Variants in MDN1 observed in about 807,000 individuals in gnomAD.
MDN1 encodes midasin.
In MDN1, 266 loss-of-function variants were observed where a neutral mutation model predicts 669.2. The ratio of observed to expected loss-of-function variants is 0.40; its 90% CI spans 0.36 to 0.44. The LOEUF (loss-of-function observed/expected upper bound fraction) is 0.44. Among genes scored for constraint, MDN1 ranks in the 20% least tolerant of loss-of-function variants. The pLI is 1.00. For synonymous variants in MDN1, 2,385 were observed against 2,457.1 expected, an observed-to-expected ratio of 0.97 and a Z score of 0.87; for missense variants, 5,940 against 6,754.0, an observed-to-expected ratio of 0.88 and a Z score of 4.22.
At position 89,719,238 on chromosome 6, in the gene MDN1, G is replaced by C; in HGVS notation, c.5968-13C>G. The stretch of plus-strand genomic sequence containing the variant: ...ATACAGCAATGACCTAAAGGAAGAA[G>C]ATAATGCAATGAAAACACAAATCAC... On this transcript the variant is annotated splice_polypyrimidine_tract_variant and intron_variant, in intron 40 of 101. Transcript: ENST00000369393. The C allele has an allele frequency of 1.2e-6, 2 of 1,604,938 alleles. No individual in the cohort carries two copies. The highest frequency in any genetic ancestry group is 1.7e-6 in the Non-Finnish European group (2 of 1,171,916).
chr6:89,675,565 G>A lies in MDN1; in HGVS notation c.12660C>T (p.Gly4220=). The change falls in exon 78 of 102, where the codon GGC becomes GGT. Residue 4220 remains glycine (G), a synonymous_variant. Coordinates refer to ENST00000369393, the MANE Select transcript of MDN1 (RefSeq NM_014611.3). ...LATPAKEMGM[G]NVERCRGFSA... ...AGAACCCTCTGCACCTCTCCACGTT[G>A]CCCATGCCCATTTCCTGGCAGAAGA... The A allele has an allele frequency of 6.2e-7, 1 of 1,613,606 alleles. No homozygotes were observed. Among genetic ancestry groups the A allele is most frequent in the Non-Finnish European group, 8.5e-7 (1 of 1,179,856 alleles).
At chr6:89,694,658 T>G (rs1812610471) in intron 61 of MDN1, among the ~76,000 whole-genome samples, 1 of 151,924 alleles carries the variant, frequency 6.6e-6, no homozygotes, top group South Asian at 2.1e-4. Flanking sequence ...ATCCTCCTGC[T>G]TCAGCCTCGT....
chr6:89,670,951 G>A lies in MDN1; in HGVS notation c.13924C>T (p.Leu4642Phe), dbSNP rs531823381. ...HRSTAKLLSV[L>F]AQVFTELAQK... Reference sequence around the variant, plus strand: ...GCAAGCTCTGTAAAGACCTGGGCAAGCACAGAGAGCAGCTTTGCAGTACTA... The same window carrying A: ...GCAAGCTCTGTAAAGACCTGGGCAAACACAGAGAGCAGCTTTGCAGTACTA... Residue 4642 changes from leucine (L) to phenylalanine (F), a missense_variant, in exon 83 of 102, where the codon CTT becomes TTT. This residue lies in a region of MDN1 where 2,280 missense variants were observed against 2,576.3 expected (regional missense o/e 0.88). Transcript: ENST00000369393. The A allele has an allele frequency of 1.7e-5, 28 of 1,614,192 alleles. No individual in the cohort carries two copies. In the East Asian group the frequency reaches 5.8e-4, roughly 33 times the overall value.
At chr6:89,788,722 C>G (rs1363520470) in intron 7 of MDN1, among the ~76,000 whole-genome samples, 1 of 151,974 alleles carries the variant, frequency 6.6e-6, no homozygotes, top group Non-Finnish European at 1.5e-5. Flanking sequence ...TGGAAAGGAG[C>G]TAGACTAGAG....
intron 53 of MDN1, among the ~76,000 whole-genome samples, chr6:89,703,258 A>G (rs1025279756): frequency 2.6e-5 from 4 of 151,826 alleles, no homozygotes; most frequent in Admixed American, 2.6e-4. Context: ...TACTTTATAT[A>G]AACATCTAAT....
intron 93 of MDN1, 130 bp from the exon 94 acceptor site, chr6:89,653,285 G>A: frequency 2.2e-6 from 2 of 901,560 alleles, no homozygotes; most frequent in South Asian, 3.8e-5. Flanking sequence ...ATTTCCACAT[G>A]TTGATTTCAG....
chr6:89,726,492 AAAAAG>A (rs1815249329), intron 37 of MDN1, among the ~76,000 whole-genome samples: 1 of 151,652 alleles, frequency 6.6e-6, no homozygotes, highest in East Asian at 1.9e-4. Flanking sequence ...GAAAAAAAAA[AAAAAG>A]AAAAGAAAAA....
chr6:89,706,089 C>T lies in MDN1; in HGVS notation c.8118G>A (p.Gln2706=), dbSNP rs1219907462. 1.2e-6 allele frequency: 2 copies of T among 1,609,982 alleles called. No homozygotes were observed. Residue 2706 remains glutamine (Q), a synonymous_variant, in exon 53 of 102, where the codon CAG becomes CAA. Coordinates refer to ENST00000369393, the MANE Select transcript of MDN1 (RefSeq NM_014611.3). ...ALVLLWVQSS[Q]GMVSDASANE... is the part of the protein sequence containing the mutation. ...TGGCACTGGCATCAGACACCATTCC[C>T]TGGGAGGACTGTACCCAGAGCAGGA...
intron 27 of MDN1, among the ~76,000 whole-genome samples, chr6:89,746,611 A>AAAAAGAAAG (rs1554191094): frequency 5.9e-4 from 24 of 40,548 alleles, no homozygotes; most frequent in African/African-American, 1.3e-3. Flanking sequence ...AAAAAAAAAA[A>AAAAAGAAAG]AAAGAAAGAA....
Position 89,661,543 on chromosome 6 carries a change from A to C in MDN1, c.14601T>G (p.His4867Gln), listed in dbSNP as rs1165217601. The stretch of plus-strand genomic sequence containing the variant: ...GTTCTGGCACCTTTTCCTGATTGCC[A>C]TGGTAAGGGTCCACCTCATTTTCAT... The part of the protein sequence containing the change: ...DYDENEVDPY[H>Q]GNQEKVPEPE... The change falls in exon 88 of 102, where the codon CAT (histidine) becomes CAG (glutamine). Residue 4867 changes from histidine to glutamine, a missense_variant. His to Gln is a conservative substitution (Grantham distance 24, BLOSUM62 0). This residue lies in a region of MDN1 where 2,280 missense variants were observed against 2,576.3 expected (regional missense o/e 0.88). Transcript: ENST00000369393. 1 of 1,614,092 alleles carries C rather than the reference A, an allele frequency of 6.2e-7. No homozygotes were observed. Among genetic ancestry groups the C allele is most frequent in the South Asian group, 1.1e-5 (1 of 91,094 alleles).
chr6:89,816,126 G>A (rs1024244508), intron 1 of MDN1, among the ~76,000 whole-genome samples: 3 of 152,156 alleles, frequency 2.0e-5, no homozygotes, highest in African/African-American at 4.8e-5. Flanking sequence ...GTGGCTGGGC[G>A]CAGCGGCTCA....
At position 89,686,769 on chromosome 6, in the gene MDN1, T is replaced by C. The variant is rs188683495; in HGVS notation, c.11572+133A>G. The C allele has an allele frequency of 9.9e-5, 120 of 1,209,338 alleles. 1 individual carries two copies. In the Admixed American group the frequency reaches 2.3e-3, roughly 24 times the overall value. The allele number at this position is 1,209,338 out of a possible 1,614,324, so 74.9% of individuals were successfully genotyped here. The stretch of plus-strand genomic sequence containing the variant: ...CTTGGCTGACCTCTCAGAAATATCA[T>C]GAAGTCAAATGGGAGGCATTCCCAT... On this transcript the variant is annotated intron_variant, in intron 69 of 101. Transcript: ENST00000369393.
intron 2 of MDN1, among the ~76,000 whole-genome samples, chr6:89,795,713 GGAGGCT>G (rs1562227973): frequency 6.6e-6 from 1 of 152,198 alleles, no homozygotes; most frequent in East Asian, 1.9e-4. Flanking sequence ...CAGCACTTTC[GGAGGCT>G]GAGGCGGGCA....
At chr6:89,746,677 A>T in intron 27 of MDN1, among the ~76,000 whole-genome samples, 1 of 151,952 alleles carries the variant, frequency 6.6e-6, no homozygotes, top group East Asian at 1.9e-4. Context: ...GTATTCCTCT[A>T]TGTAAATATT....
At position 89,745,629 on chromosome 6, in the gene MDN1, G is replaced by A. The variant is rs761319562; in HGVS notation, c.3905-3C>T. On this transcript the variant is annotated splice_region_variant and splice_polypyrimidine_tract_variant and intron_variant, in intron 27 of 101. Transcript: ENST00000369393. ...TCGACCTGCCAGAAGCATATAACCT[G>A]GGAGGAGGAGGAGGAAAAGGAGGAG... 1.3e-5 allele frequency: 21 copies of A among 1,612,494 alleles called. No individual in the cohort carries two copies. The highest frequency in any genetic ancestry group is 1.7e-5 in the Non-Finnish European group (20 of 1,179,400).
At chr6:89,710,874 T>A in intron 49 of MDN1, 80 bp from the exon 50 acceptor site, 1 of 779,404 alleles carries the variant, frequency 1.3e-6, no homozygotes, top group South Asian at 1.8e-5. Flanking sequence ...GAAAATGTTC[T>A]ACAGCTGCAT....
intron 33 of MDN1, among the ~76,000 whole-genome samples, chr6:89,734,662 A>C (rs1815809006): frequency 7.3e-6 from 1 of 137,798 alleles, no homozygotes; most frequent in African/African-American, 2.8e-5. Context: ...ATTGTCTCAA[A>C]GGAAGAAGAA....
At chr6:89,687,957 A>G (rs900326928) in intron 67 of MDN1, 121 bp downstream of exon 67, 17 of 903,214 alleles carry the variant, frequency 1.9e-5, no homozygotes, top group Admixed American at 3.8e-5. Flanking sequence ...CAGAAAAACC[A>G]AGGATGTTTA....
At chr6:89,787,830 A>T (rs1213142474) in intron 8 of MDN1, 24 bp downstream of exon 8, 1 of 1,572,524 alleles carries the variant, frequency 6.4e-7, no homozygotes, top group African/African-American at 1.4e-5. Context: ...CCAGAGTGAA[A>T]ACAGAAAGGT....
Sources: gnomAD v4.1 joint callset for allele counts (sites outside exome capture counted in the v4.1 genomes callset) on GRCh38, gnomAD v4.1.1 for gene constraint, gnomAD v4.1.1 regional missense constraint, MANE v1.5 for transcripts, NCBI Gene and HGNC (gene_info 2026-07-23, HGNC 2026-07-21) for gene names.